PRKAG2: variants seen among roughly 807,000 people sequenced by gnomAD.
PRKAG2 encodes the protein protein kinase AMP-activated non-catalytic subunit gamma 2.
In PRKAG2, 26 loss-of-function variants were observed where a neutral mutation model predicts 69.6. The observed-to-expected ratio is 0.37, with a 90% CI of 0.27 to 0.52. The LOEUF (loss-of-function observed/expected upper bound fraction) is 0.52, where lower values mean the gene tolerates loss of function less well. Among genes scored for constraint, PRKAG2 ranks in the 20% least tolerant of loss-of-function variants. PRKAG2 has a pLI of 0.90. For missense variants in PRKAG2, 557 were observed against 740.0 expected, an observed-to-expected ratio of 0.75 and a Z score of 2.87; for synonymous variants, 293 against 285.0, an observed-to-expected ratio of 1.03 and a Z score of -0.28.
intron 2 of PRKAG2, among the ~76,000 whole-genome samples, chr7:151,786,031 C>T (rs541285548): frequency 3.9e-5 from 6 of 152,306 alleles, no homozygotes; most frequent in African/African-American, 7.2e-5. Context: ...GGGTGCAACA[C>T]GAGGTGGAAG....
chr7:151,853,517 G>A (rs2079629192), intron 1 of PRKAG2, among the ~76,000 whole-genome samples: 1 of 152,110 alleles, frequency 6.6e-6, no homozygotes, highest in Non-Finnish European at 1.5e-5. Context: ...CCAGCAATTT[G>A]GGAGGCCAAG....
intron 1 of PRKAG2, among the ~76,000 whole-genome samples, chr7:151,841,720 G>A (rs2079295838): frequency 7.3e-6 from 1 of 136,192 alleles, no homozygotes; most frequent in Non-Finnish European, 1.6e-5. Flanking sequence ...TGGTAGTGAT[G>A]GTAGGTAGTG....
intron 5 of PRKAG2, among the ~76,000 whole-genome samples, chr7:151,610,750 T>C (rs1391974772): frequency 8.0e-6 from 1 of 125,616 alleles, no homozygotes; most frequent in Non-Finnish European, 1.7e-5. Context: ...TTTTTTTTTT[T>C]TTTTTTTTGA....
Position 151,568,766 on chromosome 7 carries a change from C to G in PRKAG2, c.1183G>C (p.Ala395Pro), listed in dbSNP as rs967214143. 1.9e-6 allele frequency: 3 copies of G among 1,613,790 alleles called. No homozygotes were observed. The highest frequency in any genetic ancestry group is 2.7e-5 in the African/African-American group (2 of 74,918). ...CTTTTGTGGGTAAGTATATAAAGTG[C>G]ATTCCCACTGATAGGGTCAATAACG... ...LPVIDPISGN[A>P]LYILTHKRIL... Residue 395 changes from alanine (A) to proline (P), a missense_variant, in exon 11 of 16, where the codon GCA (alanine) becomes CCA (proline). Ala to Pro is a conservative substitution (Grantham distance 27, BLOSUM62 -1). This residue lies in a region of PRKAG2 where 205 missense variants were observed against 383.4 expected (regional missense o/e 0.53). Transcript: ENST00000287878.
intron 3 of PRKAG2, among the ~76,000 whole-genome samples, chr7:151,691,643 C>T (rs568736597): frequency 6.6e-6 from 1 of 152,298 alleles, no homozygotes; most frequent in South Asian, 2.1e-4. Flanking sequence ...GACCAGCTAA[C>T]GTCTACAAAA....
intron 5 of PRKAG2, among the ~76,000 whole-genome samples, chr7:151,596,357 C>A (rs1337052089): frequency 3.3e-5 from 5 of 152,108 alleles, no homozygotes; most frequent in Non-Finnish European, 5.9e-5. Flanking sequence ...ATAAAAGAAT[C>A]CCATTTACAA....
At chr7:151,798,379 A>G (rs1440598593) in intron 1 of PRKAG2, among the ~76,000 whole-genome samples, 1 of 151,742 alleles carries the variant, frequency 6.6e-6, no homozygotes, top group African/African-American at 2.4e-5. Flanking sequence ...TAGTAGCGCA[A>G]TCTTGGCTCA....
At position 151,871,634 on chromosome 7, in the gene PRKAG2, C is replaced by G. The variant is rs191515371; in HGVS notation, c.114+4873G>C. On this transcript the variant is annotated intron_variant, in intron 1 of 15. Transcript: ENST00000287878. Reference sequence around the variant, plus strand: ...TCAACCGAATTCAATTGATAAATTACTTAGTAGTTCTAGGTCTCCACCACC... The same window carrying G: ...TCAACCGAATTCAATTGATAAATTAGTTAGTAGTTCTAGGTCTCCACCACC... Among the ~76,000 whole-genome samples, 4 of 152,352 alleles carry G rather than the reference C, an allele frequency of 2.6e-5. No homozygotes were observed. In the East Asian group the frequency reaches 7.7e-4, roughly 29 times the overall value.
At chr7:151,669,920 A>ATGCACATACCTGCATG (rs1563385371) in intron 4 of PRKAG2, among the ~76,000 whole-genome samples, 3 of 150,276 alleles carry the variant, frequency 2.0e-5, no homozygotes, top group Non-Finnish European at 4.4e-5. Context: ...ACCTGCATGC[A>ATGCACATACCTGCATG]CACACACCTG....
Position 151,774,635 on chromosome 7 carries a change from T to C in PRKAG2, c.466+6517A>G, listed in dbSNP as rs545475044. ...CAGCCTGGCCAACATGGCGAAACCC[T>C]GTCTCTACTAAAAATACAAAAATTA... On this transcript the variant is annotated intron_variant, in intron 3 of 15. Transcript: ENST00000287878. 1.8e-4 allele frequency among the ~76,000 whole-genome samples: 27 copies of C among 152,176 alleles called. 1 individual carries two copies. The highest frequency in any genetic ancestry group is 3.4e-4 in the Non-Finnish European group (23 of 67,998).
rs572636181 is a variant in PRKAG2, at chr7:151,867,593, C to CA, written c.114+8913dup. 2.6e-3 allele frequency among the ~76,000 whole-genome samples: 398 copies of CA among 152,268 alleles called. 2 individuals carry two copies. The highest frequency in any genetic ancestry group is 9.4e-3 in the African/African-American group (389 of 41,558). ...CTAATCTATATGTTAATCACATCTG[C>CA]AAAAACCCCATCTCAAAGAAGGTCC... On this transcript the variant is annotated intron_variant, in intron 1 of 15. Transcript: ENST00000287878.
intron 4 of PRKAG2, among the ~76,000 whole-genome samples, chr7:151,660,586 T>C (rs566536732): frequency 6.6e-5 from 10 of 152,356 alleles, no homozygotes; most frequent in Admixed American, 3.3e-4. Context: ...ATACTGTGTG[T>C]CTACTAGATT....
chr7:151,683,099 C>T (rs1041848992), intron 3 of PRKAG2, among the ~76,000 whole-genome samples: 21 of 152,368 alleles, frequency 1.4e-4, no homozygotes, highest in South Asian at 1.2e-3. Flanking sequence ...TCTCCCAGGG[C>T]GGCAGCCAGG....
At chr7:151,595,526 A>C (rs1814277019) in intron 5 of PRKAG2, 72 bp from the exon 6 acceptor site, 5 of 1,025,358 alleles carry the variant, frequency 4.9e-6, no homozygotes, top group Non-Finnish European at 7.6e-6. Flanking sequence ...CATATACGTA[A>C]ACCTATCACT....
At chr7:151,782,858 G>T (rs1193438502) in intron 2 of PRKAG2, among the ~76,000 whole-genome samples, 1 of 152,236 alleles carries the variant, frequency 6.6e-6, no homozygotes, top group Non-Finnish European at 1.5e-5. Context: ...AAGCAACACT[G>T]AGTGGAAAGG....
At chr7:151,710,564 C>T (rs139481415) in intron 3 of PRKAG2, among the ~76,000 whole-genome samples, 40 of 152,356 alleles carry the variant, frequency 2.6e-4, no homozygotes, top group African/African-American at 8.4e-4. Context: ...TCTCCCCTCC[C>T]CGGGAGCCCT....
intron 15 of PRKAG2, chr7:151,558,005 C>T (rs1489329520): frequency 4.1e-6 from 4 of 984,922 alleles, no homozygotes; most frequent in East Asian, 1.1e-4. Context: ...TTTTTCTCAT[C>T]ACAGGAGCTT....
chr7:151,848,003 G>T (rs75930806), intron 1 of PRKAG2, among the ~76,000 whole-genome samples: 7,919 of 152,298 alleles, frequency 0.052, 359 homozygotes, highest in African/African-American at 0.13. Flanking sequence ...AGAGTCAGTT[G>T]CTAAAGAGTG....
intron 3 of PRKAG2, among the ~76,000 whole-genome samples, chr7:151,749,819 G>A (rs1354387580): frequency 4.6e-5 from 7 of 150,838 alleles, no homozygotes; most frequent in East Asian, 1.9e-4. Flanking sequence ...GAACTGGGTC[G>A]GGCATGGTGG....
Sources: gnomAD v4.1 joint callset for allele counts (sites outside exome capture counted in the v4.1 genomes callset) on GRCh38, gnomAD v4.1.1 for gene constraint, gnomAD v4.1.1 regional missense constraint, MANE v1.5 for transcripts, NCBI Gene and HGNC (gene_info 2026-07-23, HGNC 2026-07-21) for gene names.